The following XPO1 variants were observed in gnomAD, a reference collection of about 807,000 sequenced individuals.
XPO1 encodes the protein exportin 1, also known as exportin-1.
In XPO1, 5 loss-of-function variants were observed where a neutral mutation model predicts 133.3. The observed-to-expected ratio is 0.04, with a 90% CI of 0.02 to 0.08. The LOEUF (loss-of-function observed/expected upper bound fraction) is 0.08, where lower values mean the gene tolerates loss of function less well. Among genes scored for constraint, XPO1 ranks in the 10% least tolerant of loss-of-function variants. The probability of loss-of-function intolerance (pLI) is 1.00; values close to 1 mark genes in which losing one functional copy is unlikely to be tolerated. For synonymous variants in XPO1, 419 were observed against 408.2 expected (o/e 1.03, Z -0.32); for missense variants, 506 against 1,267.5 (o/e 0.40, Z 9.12).
chr2:61,536,473 G>A (rs1202812225), intron 1 of XPO1: 1 of 152,216 alleles, frequency 6.6e-6, no homozygotes, highest in Non-Finnish European at 1.5e-5. Flanking sequence ...GACTCTACAA[G>A]TGACACCCAA....
chr2:61,491,956 C>T (rs1456778105), intron 16 of XPO1, 79 bp downstream of exon 16: 3 of 1,481,348 alleles, frequency 2.0e-6, no homozygotes, highest in African/African-American at 2.8e-5. Flanking sequence ...CAATAGTTGC[C>T]CTCCTATTTC....
intron 10 of XPO1, 131 bp from the exon 11 acceptor site, chr2:61,495,744 T>G (rs935084836): frequency 9.1e-6 from 8 of 875,514 alleles, no homozygotes; most frequent in African/African-American, 1.7e-5. Flanking sequence ...TGACCAAAGC[T>G]CACTGCAGCC....
At position 61,492,228 on chromosome 2, in the gene XPO1, G is replaced by C; in HGVS notation, c.1724-30C>G. On this transcript the variant is annotated intron_variant, in intron 15 of 24. Transcript: ENST00000401558. The surrounding 1 kb of genome is among the most constrained non-coding windows in gnomAD (Gnocchi z 5.6). ...CAAGACAAAAATATTCATTTATTTT[G>C]TCCTGGACTCCATCATGGGTCTCTA... The C allele has an allele frequency of 6.2e-7, 1 of 1,609,562 alleles. No individual in the cohort carries two copies. The highest frequency in any genetic ancestry group is 8.5e-7 in the Non-Finnish European group (1 of 1,178,054).
chr2:61,500,578 C>CAAAAAAAAAA (rs56213841), intron 6 of XPO1, among the ~76,000 whole-genome samples: 1,961 of 40,238 alleles, frequency 0.049, 201 homozygotes, highest in African/African-American at 0.068. Flanking sequence ...GACTCCATCT[C>CAAAAAAAAAA]AAAAAAAAAA....
chr2:61,526,414 G>C lies in XPO1; in HGVS notation c.228+6C>G. On this transcript the variant is annotated splice_donor_region_variant and intron_variant, in intron 3 of 24. Coordinates refer to ENST00000401558, the MANE Select transcript of XPO1 (RefSeq NM_003400.4). Reference sequence around the variant, plus strand: ...ATAACAGATTTTAAAACCACCACTTGCTTACTTTCGTATTCATATTCTGAG... The same window carrying C: ...ATAACAGATTTTAAAACCACCACTTCCTTACTTTCGTATTCATATTCTGAG... 5.6e-6 allele frequency: 9 copies of C among 1,602,896 alleles called. No individual in the cohort carries two copies. Among genetic ancestry groups the C allele is most frequent in the Non-Finnish European group, 7.6e-6 (9 of 1,177,072 alleles).
chr2:61,519,997 T>C (rs188907185), intron 4 of XPO1, among the ~76,000 whole-genome samples: 229 of 152,238 alleles, frequency 1.5e-3, no homozygotes, highest in Admixed American at 5.8e-3. Flanking sequence ...TACATGTGTT[T>C]TGTCTTCCCA....
Position 61,492,690 on chromosome 2 carries a change from G to A in XPO1, c.1443C>T (p.His481=), listed in dbSNP as rs983723047. 4.8e-5 allele frequency: 78 copies of A among 1,613,656 alleles called. No individual in the cohort carries two copies. The highest frequency in any genetic ancestry group is 8.3e-5 in the Admixed American group (5 of 59,960). ...ACCACTCTGTACCATTCACTTGATT[G>A]TGAAGCTTCTCTGTCATTATTCTTT... ...DTERIMTEKL[H]NQVNGTEWSW... is the part of the protein sequence containing the mutation. Residue 481 remains histidine, a synonymous_variant, in exon 14 of 25, where the codon CAC becomes CAT. Coordinates refer to ENST00000401558, the MANE Select transcript of XPO1 (RefSeq NM_003400.4). This position sits in a 1 kb window ranked among gnomAD's most constrained non-coding sequence, Gnocchi z 5.6.
chr2:61,478,204 A>T lies in XPO1; in HGVS notation c.*616T>A. 4.3e-6 allele frequency: 1 copy of T among 233,604 alleles called. No individual in the cohort carries two copies. Among genetic ancestry groups the T allele is most frequent in the East Asian group, 6.0e-5 (1 of 16,664 alleles). The allele number at this position is 233,604 out of a possible 1,614,324, so 14.5% of individuals were successfully genotyped here. On this transcript the variant is annotated 3_prime_UTR_variant, in exon 25 of 25. Transcript: ENST00000401558. ...GCGACAGCACACACACACAAAAACA[A>T]AAAGAACTGTGTAAAAATAACTAAC...
intron 4 of XPO1, among the ~76,000 whole-genome samples, chr2:61,521,330 G>C (rs541368662): frequency 6.6e-6 from 1 of 152,146 alleles, no homozygotes; most frequent in Non-Finnish European, 1.5e-5. Context: ...TGCAGGTGAA[G>C]GACAATACTT....
At chr2:61,525,720 T>A in intron 3 of XPO1, 1 of 1,027,770 alleles carries the variant, frequency 9.7e-7, no homozygotes, top group African/African-American at 1.7e-5. Flanking sequence ...ATGTCAAAAC[T>A]AATTAATATT....
At chr2:61,529,376 G>A (rs571714973) in intron 2 of XPO1, among the ~76,000 whole-genome samples, 5 of 152,170 alleles carry the variant, frequency 3.3e-5, no homozygotes, top group East Asian at 1.9e-4. Context: ...TCGTATGCTC[G>A]GGTGGGCACC....
chr2:61,508,794 A>G (rs1697947208), intron 4 of XPO1, among the ~76,000 whole-genome samples: 1 of 152,244 alleles, frequency 6.6e-6, no homozygotes, highest in African/African-American at 2.4e-5. Flanking sequence ...GTACATCAGC[A>G]TCTTACATAG....
intron 9 of XPO1, 97 bp downstream of exon 9, chr2:61,498,576 G>T: frequency 6.8e-7 from 1 of 1,476,458 alleles, no homozygotes; most frequent in Non-Finnish European, 9.1e-7. Flanking sequence ...TAGAAACAAG[G>T]TTGAATAAGG....
At position 61,515,422 on chromosome 2, in the gene XPO1, A is replaced by G. The variant is rs192502694; in HGVS notation, c.301+7189T>C. On this transcript the variant is annotated intron_variant, in intron 4 of 24. Transcript: ENST00000401558. Reference sequence around the variant, plus strand: ...GAAAAAATTGTAAAGGACACAGAAAAGTAGGTGTTAGTGAGCTCACTTAGG... The same window carrying G: ...GAAAAAATTGTAAAGGACACAGAAAGGTAGGTGTTAGTGAGCTCACTTAGG... Among the ~76,000 whole-genome samples the G allele has an allele frequency of 2.0e-5, 3 of 152,296 alleles. No individual in the cohort carries two copies. In the East Asian group the frequency reaches 5.8e-4, roughly 29 times the overall value.
At chr2:61,518,400 C>A (rs1331171427) in intron 4 of XPO1, among the ~76,000 whole-genome samples, 1 of 102,618 alleles carries the variant, frequency 9.7e-6, no homozygotes, top group African/African-American at 4.9e-5. Context: ...AAAAAAAAAA[C>A]AAAAAACAAA....
chr2:61,486,861 A>G (rs547194233), intron 19 of XPO1, among the ~76,000 whole-genome samples: 2 of 152,222 alleles, frequency 1.3e-5, no homozygotes, highest in South Asian at 4.2e-4. Context: ...ACTGGACTTG[A>G]GCTGGGGTGA....
chr2:61,489,770 G>T (rs1338226222), intron 17 of XPO1, among the ~76,000 whole-genome samples: 1 of 151,926 alleles, frequency 6.6e-6, no homozygotes, highest in Non-Finnish European at 1.5e-5. Context: ...TAGCCATGAT[G>T]GTCTCGATCC....
intron 12 of XPO1, 96 bp from the exon 13 acceptor site, chr2:61,493,149 C>T: frequency 6.2e-6 from 8 of 1,300,526 alleles, no homozygotes; most frequent in Non-Finnish European, 8.2e-6. Context: ...ACCAAAAAAA[C>T]CACAAGCCAG....
rs1314144949 is a variant in XPO1, at chr2:61,490,851, A to G, written c.1888-75T>C. 5.8e-6 allele frequency: 9 copies of G among 1,541,430 alleles called. No individual in the cohort carries two copies. In the African/African-American group the frequency reaches 1.2e-4, roughly 21 times the overall value. The stretch of plus-strand genomic sequence containing the variant: ...GGAAAACCACACACAAGCAATTCAC[A>G]AACGTCTTGAAACTGATTTTGGCCC... On this transcript the variant is annotated intron_variant, in intron 16 of 24. Transcript: ENST00000401558.
Sources: allele counts gnomAD v4.1 joint callset (sites outside exome capture counted in the v4.1 genomes callset), GRCh38; gene constraint gnomAD v4.1.1; non-coding constraint Gnocchi (gnomAD v3.1); transcripts MANE v1.5; gene names NCBI Gene and HGNC (gene_info 2026-07-23, HGNC 2026-07-21).